APMAP: variants seen among roughly 807,000 people sequenced by gnomAD.
The protein encoded by APMAP is adipocyte plasma membrane associated protein, also known as adipocyte plasma membrane-associated protein.
APMAP carries 33 observed loss-of-function variants against 43.6 expected under a neutral mutation model. That is an observed-to-expected ratio of 0.76 (90% confidence interval 0.57 to 1.01). The LOEUF (loss-of-function observed/expected upper bound fraction) is 1.01. Among genes scored for constraint, APMAP ranks in the 50% least tolerant of loss-of-function variants. The probability of loss-of-function intolerance (pLI) is 0.00; values close to 1 mark genes in which losing one functional copy is unlikely to be tolerated. For missense variants in APMAP, 498 were observed against 540.7 expected (o/e 0.92, Z 0.78); for synonymous variants, 224 against 216.7 (o/e 1.03, Z -0.30).
chr20:24,969,104 A>G lies in APMAP; in HGVS notation c.849-20T>C. 1 of 1,567,374 alleles carries G rather than the reference A, an allele frequency of 6.4e-7. No individual in the cohort carries two copies. Among genetic ancestry groups the G allele is most frequent in the Non-Finnish European group, 8.6e-7 (1 of 1,156,124 alleles). On this transcript the variant is annotated intron_variant, in intron 7 of 8. Transcript: ENST00000217456. ...TAGACTCTGAAAAATTCACCCAAGCAGAGAGTGAACCATAGCCCCTCAATT... is the reference window on the plus strand; with the variant it reads ...TAGACTCTGAAAAATTCACCCAAGCGGAGAGTGAACCATAGCCCCTCAATT...
At chr20:24,982,058 T>C (rs968887863) in intron 2 of APMAP, among the ~76,000 whole-genome samples, 1 of 152,260 alleles carries the variant, frequency 6.6e-6, no homozygotes, top group Admixed American at 6.5e-5. Flanking sequence ...TTTTTGAGTG[T>C]GCCATGCCAA....
intron 1 of APMAP, among the ~76,000 whole-genome samples, chr20:24,990,919 T>C (rs1439423166): frequency 3.9e-5 from 6 of 152,166 alleles, no homozygotes; most frequent in Non-Finnish European, 1.5e-5. Flanking sequence ...ACAGGAACAA[T>C]GTTCATGGAC....
intron 1 of APMAP, among the ~76,000 whole-genome samples, chr20:24,988,335 G>C (rs912120008): frequency 6.6e-6 from 1 of 152,168 alleles, no homozygotes; most frequent in Non-Finnish European, 1.5e-5. Context: ...TCTTGATGTG[G>C]TAATCTGATT....
intron 2 of APMAP, among the ~76,000 whole-genome samples, chr20:24,983,190 A>G (rs1053592437): frequency 6.6e-6 from 1 of 152,240 alleles, no homozygotes; most frequent in Non-Finnish European, 1.5e-5. Flanking sequence ...AGTATGTTAT[A>G]TTCACTCTTT....
intron 2 of APMAP, among the ~76,000 whole-genome samples, chr20:24,982,830 G>A (rs1476630176): frequency 1.4e-5 from 2 of 143,142 alleles, no homozygotes; most frequent in African/African-American, 5.5e-5. Context: ...CACATCAGGG[G>A]ACCCCCCCCC....
intron 3 of APMAP, 146 bp downstream of exon 3, chr20:24,978,621 G>A (rs2122511105): frequency 1.6e-6 from 1 of 639,630 alleles, no homozygotes; most frequent in Non-Finnish European, 2.7e-6. Flanking sequence ...TGATGTCTGA[G>A]GGCCAAGTCC....
At chr20:24,974,002 A>G (rs1250473018) in intron 3 of APMAP, among the ~76,000 whole-genome samples, 1 of 152,206 alleles carries the variant, frequency 6.6e-6, no homozygotes, top group East Asian at 1.9e-4. Flanking sequence ...GTCAGTGATG[A>G]GAACTGTGAG....
chr20:24,989,695 G>A (rs140228741), intron 1 of APMAP, among the ~76,000 whole-genome samples: 1 of 152,122 alleles, frequency 6.6e-6, no homozygotes, highest in East Asian at 1.9e-4. Flanking sequence ...CCTTTAAACT[G>A]GGGCTCCTAG....
At chr20:24,985,985 T>C (rs1470999719) in intron 1 of APMAP, among the ~76,000 whole-genome samples, 2 of 152,134 alleles carry the variant, frequency 1.3e-5, no homozygotes, top group African/African-American at 4.8e-5. Flanking sequence ...CTGAATCGCG[T>C]CCTGCAGTTA....
Position 24,983,918 on chromosome 20 carries a change from T to A in APMAP, c.197A>T (p.Asp66Val). 2.5e-6 allele frequency: 4 copies of A among 1,611,424 alleles called. No individual in the cohort carries two copies. The highest frequency in any genetic ancestry group is 3.4e-6 in the Non-Finnish European group (4 of 1,177,702). ...GAMMLLESPI[D>V]PQPLSFKEPP... The stretch of plus-strand genomic sequence containing the variant: ...GGCAGCCTACCTGAGAGGCTGTGGA[T>A]CTATAGGAGATTCCAGCAGCATCAT... The change falls in exon 2 of 9, where the codon GAT becomes GTT. Residue 66 changes from aspartate (D) to valine (V), a missense_variant. By Grantham distance (152) the Asp-to-Val change is radical. Transcript: ENST00000217456.
intron 5 of APMAP, among the ~76,000 whole-genome samples, chr20:24,970,732 A>T (rs772482761): frequency 1.3e-4 from 20 of 152,244 alleles, no homozygotes; most frequent in African/African-American, 2.2e-4. Flanking sequence ...AGTAGTAGTA[A>T]GTTTTGAAAA....
chr20:24,987,130 T>A (rs2088154454), intron 1 of APMAP, among the ~76,000 whole-genome samples: 1 of 152,156 alleles, frequency 6.6e-6, no homozygotes, highest in South Asian at 2.1e-4. Flanking sequence ...GTTTTTTGTT[T>A]TTTAAATATA....
Position 24,992,693 on chromosome 20 carries a change from C to T in APMAP, c.-5G>A. Reference sequence around the variant, plus strand: ...CAGCCCGTCCGCCTCGCTCATGGTACGGGCGCCAGCCTCACCCGCAGAAAC... The same window carrying T: ...CAGCCCGTCCGCCTCGCTCATGGTATGGGCGCCAGCCTCACCCGCAGAAAC... On this transcript the variant is annotated 5_prime_UTR_variant, in exon 1 of 9. Coordinates refer to ENST00000217456, the MANE Select transcript of APMAP (RefSeq NM_020531.3). 1 of 1,514,648 alleles carries T rather than the reference C, an allele frequency of 6.6e-7. No homozygotes were observed. The allele number at this position is 1,514,648 out of a possible 1,614,324, so 93.8% of individuals were successfully genotyped here. A position where few individuals can be genotyped will look rare whatever the true frequency, so the allele number is the denominator to read the frequency against.
intron 5 of APMAP, 42 bp from the exon 6 acceptor site, chr20:24,970,413 A>G (rs770016553): frequency 3.5e-5 from 55 of 1,562,032 alleles, no homozygotes; most frequent in African/African-American, 4.1e-5. Flanking sequence ...TTGAACTAGG[A>G]ACTTCTCAAT....
Position 24,968,993 on chromosome 20 carries a change from C to A in APMAP, c.940G>T (p.Gly314Trp), listed in dbSNP as rs551862951. The A allele has an allele frequency of 8.7e-6, 14 of 1,613,972 alleles. No homozygotes were observed. The highest frequency in any genetic ancestry group is 1.2e-5 in the Non-Finnish European group (14 of 1,180,018). The change falls in exon 8 of 9, where the codon GGG (glycine) becomes TGG (tryptophan). Residue 314 changes from glycine (G) to tryptophan (W), a missense_variant. By Grantham distance (184) the Gly-to-Trp change is radical. Transcript: ENST00000217456. ...GTCGACATGCCCACCCAGTACCCCCCAGAGCTGCTGGGCCGGATGTTGTCT... is the reference window on the plus strand; with the variant it reads ...GTCGACATGCCCACCCAGTACCCCCAAGAGCTGCTGGGCCGGATGTTGTCT... ...FPDNIRPSSS[G>W]GYWVGMSTIR...
intron 1 of APMAP, among the ~76,000 whole-genome samples, chr20:24,987,653 A>G (rs536211667): frequency 2.0e-5 from 3 of 152,214 alleles, no homozygotes; most frequent in Non-Finnish European, 4.4e-5. Flanking sequence ...AAAAAAGTTG[A>G]CAGTGACAAG....
At chr20:24,991,135 G>T (rs183944291) in intron 1 of APMAP, among the ~76,000 whole-genome samples, 1 of 152,168 alleles carries the variant, frequency 6.6e-6, no homozygotes, top group Non-Finnish European at 1.5e-5. Flanking sequence ...CTACCTAACC[G>T]GTGCCCTCAG....
Position 24,971,501 on chromosome 20 carries a change from G to T in APMAP, c.497C>A (p.Ala166Asp). The T allele has an allele frequency of 6.2e-7, 1 of 1,614,154 alleles. No individual in the cohort carries two copies. Among genetic ancestry groups the T allele is most frequent in the Non-Finnish European group, 8.5e-7 (1 of 1,180,012 alleles). Residue 166 changes from alanine (A) to aspartate (D), a missense_variant, in exon 5 of 9, where the codon GCC (alanine) becomes GAC (aspartate). Physicochemically the swap from Ala to Asp is moderately radical, Grantham distance 126. Transcript: ENST00000217456. ...RAGPNGTLFV[A>D]DAYKGLFEVN... is the part of the protein sequence containing the mutation. ...TTCAAATAGTCCCTTGTATGCATCG[G>T]CCACAAAGAGAGTCCCATTGGGCCC...
intron 2 of APMAP, among the ~76,000 whole-genome samples, chr20:24,979,692 C>T (rs950308206): frequency 2.6e-5 from 4 of 152,156 alleles, no homozygotes; most frequent in African/African-American, 9.7e-5. Flanking sequence ...AGCAGCCATG[C>T]CGGATCATGA....
Sources: allele counts gnomAD v4.1 joint callset (sites outside exome capture counted in the v4.1 genomes callset), GRCh38; gene constraint gnomAD v4.1.1; transcripts MANE v1.5; gene names NCBI Gene and HGNC (gene_info 2026-07-23, HGNC 2026-07-21).